The following DNAH6 variants were observed in gnomAD, a reference collection of about 807,000 sequenced individuals.
DNAH6 encodes the protein dynein axonemal heavy chain 6, also known as axonemal beta dynein heavy chain 6.
A neutral mutation model predicts 491.4 loss-of-function variants in DNAH6; 340 were observed. The observed-to-expected ratio is 0.69, with a 90% confidence interval of 0.63 to 0.76. DNAH6 has a LOEUF of 0.76. DNAH6 is among the 30% of genes least tolerant of loss of function. The pLI is 0.00. For synonymous variants in DNAH6, 1,603 were observed against 1,686.1 expected (o/e 0.95, Z 1.21); for missense variants, 4,443 against 4,972.2 (o/e 0.89, Z 3.20).
chr2:84,555,482 G>C (rs780084809), intron 10 of DNAH6, among the ~76,000 whole-genome samples: 2 of 151,868 alleles, frequency 1.3e-5, no homozygotes, highest in Non-Finnish European at 2.9e-5. Context: ...TATCCTTAAG[G>C]GCTCTCTCCT....
rs764152711 is a variant in DNAH6, at chr2:84,785,700, G to C, written c.11044G>C (p.Gly3682Arg). The change falls in exon 67 of 77, where the codon GGA becomes CGA. Residue 3682 changes from glycine (G) to arginine (R), a missense_variant. Physicochemically the swap from Gly to Arg is moderately radical, Grantham distance 125. Coordinates refer to ENST00000389394, the MANE Select transcript of DNAH6 (RefSeq NM_001370.2). ...TTCGTTTTTTGAAGAAAATATACTTGGAAAAAAATGGAGACAAATAATATT... is the reference window on the plus strand; with the variant it reads ...TTCGTTTTTTGAAGAAAATATACTTCGAAAAAAATGGAGACAAATAATATT... ...TPSFFEENIL[G>R]KKWRQIIFGI... is the part of the protein sequence containing the mutation. The C allele has an allele frequency of 6.5e-6, 10 of 1,545,786 alleles. No homozygotes were observed. The South Asian group carries it at 1.2e-4, about 19-fold the overall frequency.
rs1479733186 is a variant in DNAH6, at chr2:84,819,465, G to A, written c.*57G>A. On this transcript the variant is annotated 3_prime_UTR_variant, in exon 77 of 77. Transcript: ENST00000389394. ...AGGCCAGAGATCTTTCCTAATGGGA[G>A]CAAAAGGTTTGAATAATTTATATGT... 8.7e-7 allele frequency: 1 copy of A among 1,155,980 alleles called. No homozygotes were observed. The highest frequency in any genetic ancestry group is 1.2e-6 in the Non-Finnish European group (1 of 808,090). The allele number at this position is 1,155,980 out of a possible 1,614,324, so 71.6% of individuals were successfully genotyped here.
rs963087684 is a variant in DNAH6 at position 84,604,342 on chromosome 2, C to T, written c.2872C>T (p.Pro958Ser). Residue 958 changes from proline to serine, a missense_variant, in exon 19 of 77, where the codon CCA (proline) becomes TCA (serine). Transcript: ENST00000389394. ...YKVEKMKEKLPVIIDLRNPTL... is the reference protein window; with the variant it reads ...YKVEKMKEKLSVIIDLRNPTL... ...TCTGAGAGTGTTTGTTTTTCAGCTT[C>T]CAGTTATCATTGACTTGAGGAACCC... 2 of 1,551,408 alleles carry T rather than the reference C, an allele frequency of 1.3e-6. No homozygotes were observed. Among genetic ancestry groups the T allele is most frequent in the African/African-American group, 2.7e-5 (2 of 73,028 alleles).
intron 64 of DNAH6, among the ~76,000 whole-genome samples, chr2:84,779,373 C>T (rs1676457999): frequency 6.6e-6 from 1 of 152,124 alleles, no homozygotes; most frequent in African/African-American, 2.4e-5. Context: ...TTGTTGAATT[C>T]AACCCATTAC....
At chr2:84,548,440 G>GA (rs758863666) in intron 8 of DNAH6, 23 bp downstream of exon 8, 1 of 1,612,204 alleles carries the variant, frequency 6.2e-7, no homozygotes, top group Non-Finnish European at 8.5e-7. Flanking sequence ...TCATTTTCAA[G>GA]AAAAATTGTA....
rs907417932 is a variant in DNAH6, at chr2:84,766,979, T to C, written c.10703+4034T>C. Among the ~76,000 whole-genome samples the C allele has an allele frequency of 2.0e-5, 3 of 152,160 alleles. No homozygotes were observed. The East Asian group carries it at 5.8e-4, about 29-fold the overall frequency. On this transcript the variant is annotated intron_variant, in intron 64 of 76. Coordinates refer to ENST00000389394, the MANE Select transcript of DNAH6 (RefSeq NM_001370.2). ...AAGATGATCCCTGACTACTAGTATC[T>C]CTGGATGCCTGCCAGAAAACATAAA...
intron 18 of DNAH6, 65 bp from the exon 19 acceptor site, chr2:84,604,274 C>A: frequency 7.6e-7 from 1 of 1,317,714 alleles, no homozygotes; most frequent in Non-Finnish European, 1.1e-6. Flanking sequence ...AAATTGAAAC[C>A]AGAACCTGTG....
chr2:84,562,513 T>C (rs1253810156), intron 11 of DNAH6, among the ~76,000 whole-genome samples: 1 of 152,128 alleles, frequency 6.6e-6, no homozygotes, highest in East Asian at 1.9e-4. Flanking sequence ...AATAAGAAAG[T>C]GGGGCTTGTG....
Position 84,547,307 on chromosome 2 carries a change from T to C in DNAH6, c.970T>C (p.Tyr324His). The change falls in exon 6 of 77, where the codon TAT (tyrosine) becomes CAT (histidine). Residue 324 changes from tyrosine to histidine, a missense_variant. Physicochemically the swap from Tyr to His is moderately conservative, Grantham distance 83 (BLOSUM62 2). Coordinates refer to ENST00000389394, the MANE Select transcript of DNAH6 (RefSeq NM_001370.2). ...PALLKINELC[Y>H]HLSFMGLCYI... The stretch of plus-strand genomic sequence containing the variant: ...TCTTCTTAAAATAAATGAATTGTGT[T>C]ATCATTTGAGTTTTATGGGACTTTG... 1.9e-6 allele frequency: 3 copies of C among 1,549,624 alleles called. No homozygotes were observed. The highest frequency in any genetic ancestry group is 2.6e-6 in the Non-Finnish European group (3 of 1,145,776).
chr2:84,516,945 T>C (rs1365842157), intron 1 of DNAH6, among the ~76,000 whole-genome samples: 1 of 152,226 alleles, frequency 6.6e-6, no homozygotes, highest in African/African-American at 2.4e-5. Flanking sequence ...ATTTTTATAC[T>C]GTGTGTTCAA....
intron 22 of DNAH6, among the ~76,000 whole-genome samples, chr2:84,614,475 A>G (rs1156317862): frequency 3.3e-5 from 5 of 152,146 alleles, no homozygotes; most frequent in Admixed American, 3.3e-4. Context: ...TGCAATTGCA[A>G]ATTGTGCTGT....
intron 11 of DNAH6, among the ~76,000 whole-genome samples, chr2:84,565,232 C>T (rs1047881370): frequency 6.6e-6 from 1 of 151,872 alleles, no homozygotes; most frequent in Non-Finnish European, 1.5e-5. Context: ...ATGAAGGAAA[C>T]CTTCCTCTTT....
chr2:84,634,047 A>C (rs1688643527), intron 29 of DNAH6, among the ~76,000 whole-genome samples: 1 of 152,226 alleles, frequency 6.6e-6, no homozygotes, highest in Non-Finnish European at 1.5e-5. Flanking sequence ...GAAGAAATTA[A>C]GAATCACTAC....
chr2:84,730,636 A>C (rs1699045464), intron 61 of DNAH6, among the ~76,000 whole-genome samples: 2 of 152,188 alleles, frequency 1.3e-5, no homozygotes, highest in Non-Finnish European at 2.9e-5. Context: ...AAACCGTCCT[A>C]GGCTGCATGT....
Position 84,805,660 on chromosome 2 carries a change from T to C in DNAH6, c.11482-5T>C. 2 of 1,547,916 alleles carry C rather than the reference T, an allele frequency of 1.3e-6. No homozygotes were observed. Among genetic ancestry groups the C allele is most frequent in the South Asian group, 2.4e-5 (2 of 82,776 alleles). ...TCACTGTTCTGTCTCTTATTGCCAT[T>C]ACAGTACAAAGAGACCAGCACTTTA... On this transcript the variant is annotated splice_polypyrimidine_tract_variant and splice_region_variant and intron_variant, in intron 70 of 76. Coordinates refer to ENST00000389394, the MANE Select transcript of DNAH6 (RefSeq NM_001370.2).
rs375596176 is a variant in DNAH6 at position 84,805,701 on chromosome 2, G to A, written c.11518G>A (p.Glu3840Lys). 3 of 1,551,618 alleles carry A rather than the reference G, an allele frequency of 1.9e-6. No individual in the cohort carries two copies. The highest frequency in any genetic ancestry group is 1.7e-6 in the Non-Finnish European group (2 of 1,146,948). Reference sequence around the variant, plus strand: ...CAGCACTTTAATCAACACCATACTTGAGGTTCAGCCAAGGTCATCTACTGG... The same window carrying A: ...CAGCACTTTAATCAACACCATACTTAAGGTTCAGCCAAGGTCATCTACTGG... The part of the protein sequence containing the change: ...ETSTLINTIL[E>K]VQPRSSTGGE... Residue 3840 changes from glutamate to lysine, a missense_variant, in exon 71 of 77, where the codon GAG becomes AAG. Coordinates refer to ENST00000389394, the MANE Select transcript of DNAH6 (RefSeq NM_001370.2).
intron 12 of DNAH6, among the ~76,000 whole-genome samples, chr2:84,575,303 T>C (rs1303945988): frequency 6.6e-6 from 1 of 152,174 alleles, no homozygotes; most frequent in Non-Finnish European, 1.5e-5. Context: ...GACCAGCAGA[T>C]AGGTTCTGGC....
the DNAH6 span, among the ~76,000 whole-genome samples, chr2:84,500,080 G>A: frequency 6.6e-6 from 1 of 151,918 alleles, no homozygotes; most frequent in East Asian, 1.9e-4. Context: ...GCGCTTGTGG[G>A]GTATTGCTCA....
At chr2:84,726,739 A>T (rs1036030898) in intron 60 of DNAH6, among the ~76,000 whole-genome samples, 4 of 152,096 alleles carry the variant, frequency 2.6e-5, no homozygotes, top group Admixed American at 1.3e-4. Flanking sequence ...AAACCTGCAC[A>T]TTGTGCACAT....
Sources: gnomAD v4.1 joint callset for allele counts (sites outside exome capture counted in the v4.1 genomes callset) on GRCh38, gnomAD v4.1.1 for gene constraint, MANE v1.5 for transcripts, NCBI Gene and HGNC (gene_info 2026-07-23, HGNC 2026-07-21) for gene names.